XIST: variants seen among roughly 807,000 people sequenced by gnomAD.
XIST encodes the protein X inactive specific transcript (non-protein coding).
At chrX:73,849,679 C>A (rs767224962) in exon 1 of XIST, 1 of 558,091 alleles carries the variant, frequency 1.8e-6, no homozygotes, top group South Asian at 2.2e-5. Context: ...TGAAAATGGT[C>A]AAGGAGTCAG....
exon 6 of XIST, chrX:73,827,863 A>G: frequency 3.8e-6 from 2 of 530,424 alleles, no homozygotes; most frequent in Non-Finnish European, 6.8e-6. Context: ...GAACAAAAAG[A>G]GAAAATGAGG....
exon 6 of XIST, chrX:73,826,484 C>T (rs1922256013): frequency 1.8e-6 from 1 of 557,578 alleles, no homozygotes; most frequent in Non-Finnish European, 3.2e-6. Flanking sequence ...TGATTTAAAG[C>T]TGGCTCAAGA....
intron 4 of XIST, chrX:73,829,487 T>C (rs1922334623): frequency 4.3e-6 from 1 of 234,223 alleles, no homozygotes; most frequent in African/African-American, 2.9e-5. Flanking sequence ...CATAGCCTTA[T>C]ACCTTAGTTA....
At chrX:73,822,594 T>C in exon 6 of XIST, 1 of 512,033 alleles carries the variant, frequency 2.0e-6, no homozygotes, top group South Asian at 2.5e-5. Context: ...CTTTTCGTCA[T>C]GATTTTTTTT....
exon 1 of XIST, chrX:73,845,024 T>C (rs756463755): frequency 7.2e-6 from 4 of 556,215 alleles, no homozygotes; most frequent in Non-Finnish European, 1.3e-5. Context: ...AAGAGGGGCC[T>C]TGGTTATCAG....
exon 6 of XIST, chrX:73,823,498 C>A (rs1321265544): frequency 1.9e-6 from 1 of 530,532 alleles, no homozygotes; most frequent in East Asian, 3.4e-5. Context: ...TCCTCAGGAC[C>A]CAGAATGGTA....
chrX:73,826,006 C>G (rs1679636488), exon 6 of XIST: 3 of 559,142 alleles, frequency 5.4e-6, no homozygotes, highest in Non-Finnish European at 9.7e-6. Context: ...TTGGCCACTA[C>G]TATGAGCAGG....
chrX:73,832,706 AG>A (rs1462380830), intron 3 of XIST, among the ~76,000 whole-genome samples: 1 of 111,482 alleles, frequency 9.0e-6, no homozygotes, highest in East Asian at 2.8e-4. Flanking sequence ...GAAATAATTT[AG>A]TGCTTTGCAT....
At chrX:73,852,087 C>A (rs2086091054) in exon 1 of XIST, 1 of 531,198 alleles carries the variant, frequency 1.9e-6, no homozygotes, top group Admixed American at 2.4e-5. Flanking sequence ...ATCCGAGGCC[C>A]CGATGGGCAA....
exon 6 of XIST, chrX:73,821,335 A>G: frequency 1.8e-6 from 1 of 552,781 alleles, no homozygotes. Context: ...CTTTGAATGT[A>G]TGAACTACAA....
chrX:73,838,452 C>T (rs1300255068), intron 1 of XIST, among the ~76,000 whole-genome samples: 2 of 110,461 alleles, frequency 1.8e-5, no homozygotes, highest in Non-Finnish European at 3.8e-5. Flanking sequence ...AGTCTAGCAC[C>T]GGTCAAATTT....
chrX:73,828,224 G>T, intron 5 of XIST: 1 of 324,065 alleles, frequency 3.1e-6, no homozygotes, highest in Non-Finnish European at 5.3e-6. Flanking sequence ...TTTACCTTAG[G>T]GATTTCTTAC....
exon 1 of XIST, chrX:73,846,458 C>T (rs759840111): frequency 1.8e-6 from 1 of 558,198 alleles, no homozygotes. Context: ...TAATCACACA[C>T]AACATGCCAA....
exon 1 of XIST, chrX:73,841,607 T>G (rs1922589037): frequency 1.8e-6 from 1 of 557,268 alleles, no homozygotes; most frequent in South Asian, 2.2e-5. Context: ...GGCTGGGATA[T>G]TATTCATTTC....
exon 6 of XIST, chrX:73,826,457 C>T: frequency 1.8e-6 from 1 of 558,313 alleles, no homozygotes; most frequent in Non-Finnish European, 3.2e-6. Flanking sequence ...TATAGCCTAA[C>T]AAATAGGTAA....
rs770877137 is a variant in XIST at position 73,845,467 on chromosome X, G to T, written n.7257C>A. The T allele has an allele frequency of 1.1e-5, 6 of 548,030 alleles. No individual in the cohort carries two copies. In the African/African-American group the frequency reaches 1.4e-4, roughly 13 times the overall value. 45.2% of individuals were successfully genotyped at this position (548,030 alleles called of 1,213,427 possible). On this transcript the variant is annotated non_coding_transcript_exon_variant, in exon 1 of 6. Transcript: ENST00000429829. ...GCACCTTGATTGTCCAAATGTAAGG[G>T]TATATGGAGTGGACACTCCCTGGTG...
chrX:73,850,770 G>A (rs1258671850), exon 1 of XIST: 31 of 314,707 alleles, frequency 9.9e-5, no homozygotes, highest in African/African-American at 7.3e-4. Flanking sequence ...GGGGGTGGGG[G>A]GGGAGGTATA....
chrX:73,830,953 A>T, intron 4 of XIST: 1 of 457,362 alleles, frequency 2.2e-6, no homozygotes, highest in Non-Finnish European at 3.9e-6. Flanking sequence ...TTACCAAATC[A>T]TATGCAGAAT....
exon 6 of XIST, chrX:73,822,937 T>C: frequency 1.8e-6 from 1 of 559,003 alleles, no homozygotes; most frequent in South Asian, 2.2e-5. Context: ...GTTCCTGTGT[T>C]TCCACCATAA....
Sources: allele counts gnomAD v4.1 joint callset (sites outside exome capture counted in the v4.1 genomes callset), GRCh38; gene constraint gnomAD v4.1.1; transcripts MANE v1.5; gene names NCBI Gene and HGNC (gene_info 2026-07-23, HGNC 2026-07-21).